The following HIBADH variants were observed in gnomAD, a reference collection of about 807,000 sequenced individuals.
HIBADH encodes the protein 3-hydroxyisobutyrate dehydrogenase, mitochondrial.
Under a neutral mutation model 36.1 loss-of-function variants are expected in HIBADH, and 25 were observed. The ratio of observed to expected loss-of-function variants is 0.69; its 90% CI spans 0.50 to 0.97. The LOEUF (loss-of-function observed/expected upper bound fraction) is 0.97, where lower values mean the gene tolerates loss of function less well. HIBADH is among the 50% of genes least tolerant of loss of function. HIBADH has a pLI of 0.00. For missense variants in HIBADH, 421 were observed against 418.0 expected (o/e 1.01, Z -0.06); for synonymous variants, 160 against 149.5 (o/e 1.07, Z -0.51).
intron 4 of HIBADH, among the ~76,000 whole-genome samples, chr7:27,603,477 C>A (rs1176038892): frequency 6.6e-6 from 1 of 151,594 alleles, no homozygotes; most frequent in Non-Finnish European, 1.5e-5. Context: ...TTTTTTTAAC[C>A]ATAAAATATT....
chr7:27,544,029 A>C (rs1208480052), intron 4 of HIBADH, among the ~76,000 whole-genome samples: 1 of 152,172 alleles, frequency 6.6e-6, no homozygotes, highest in African/African-American at 2.4e-5. Context: ...TTTTCAAGTT[A>C]GGCTTTATTT....
chr7:27,557,623 TCC>T (rs1784411888), intron 4 of HIBADH, among the ~76,000 whole-genome samples: 1 of 152,012 alleles, frequency 6.6e-6, no homozygotes, highest in African/African-American at 2.4e-5. Context: ...TGTTGCTGTA[TCC>T]CCTCCAGAGG....
intron 2 of HIBADH, among the ~76,000 whole-genome samples, chr7:27,644,636 G>A (rs1185660737): frequency 6.6e-5 from 10 of 150,640 alleles, no homozygotes; most frequent in South Asian, 2.1e-4. Flanking sequence ...GTGGTGGCGC[G>A]TGCCTGTAGT....
chr7:27,642,376 A>G (rs1408800865), intron 2 of HIBADH, among the ~76,000 whole-genome samples: 2 of 152,360 alleles, frequency 1.3e-5, no homozygotes, highest in East Asian at 3.9e-4. Context: ...GTAAAATTAC[A>G]ATAGAAACTT....
At chr7:27,617,914 C>T (rs1785459529) in intron 4 of HIBADH, among the ~76,000 whole-genome samples, 1 of 152,194 alleles carries the variant, frequency 6.6e-6, no homozygotes, top group South Asian at 2.1e-4. Flanking sequence ...GTCCAAAGTG[C>T]TTTAACCCAC....
intron 4 of HIBADH, among the ~76,000 whole-genome samples, chr7:27,607,972 C>G (rs746491558): frequency 1.3e-5 from 2 of 152,138 alleles, no homozygotes; most frequent in African/African-American, 2.4e-5. Context: ...AAGTACTACT[C>G]TCACACATAA....
chr7:27,539,806 T>C (rs1583559236), intron 5 of HIBADH, among the ~76,000 whole-genome samples: 1 of 114,472 alleles, frequency 8.7e-6, no homozygotes, highest in Non-Finnish European at 2.1e-5. Context: ...GATTAACACA[T>C]ATTTTGTATA....
chr7:27,583,195 T>G (rs1388825826), intron 4 of HIBADH, among the ~76,000 whole-genome samples: 1 of 152,112 alleles, frequency 6.6e-6, no homozygotes, highest in Non-Finnish European at 1.5e-5. Flanking sequence ...GAAGCTTTAT[T>G]AAGCATTAAT....
At position 27,587,796 on chromosome 7, in the gene HIBADH, C is replaced by A. The variant is rs148693607; in HGVS notation, c.484+41575G>T. 3.9e-3 allele frequency among the ~76,000 whole-genome samples: 601 copies of A among 152,234 alleles called. 2 individuals are homozygous for A. Among genetic ancestry groups the A allele is most frequent in the African/African-American group, 0.014 (566 of 41,538 alleles). ...CATTCAAGACAACTGAGAAAAAATT[C>A]CAAGGTACAGCTGTAATTCCAAGAT... On this transcript the variant is annotated intron_variant, in intron 4 of 7. Coordinates refer to ENST00000265395, the MANE Select transcript of HIBADH (RefSeq NM_152740.4).
chr7:27,614,384 AACCTGGAGG>A (rs1186054505), intron 4 of HIBADH, among the ~76,000 whole-genome samples: 1 of 152,220 alleles, frequency 6.6e-6, no homozygotes, highest in Non-Finnish European at 1.5e-5. Context: ...ATCTGGAGAT[AACCTGGAGG>A]ACAGCTTCAG....
chr7:27,645,878 C>T (rs1048305753), intron 2 of HIBADH, among the ~76,000 whole-genome samples: 4 of 152,072 alleles, frequency 2.6e-5, no homozygotes, highest in African/African-American at 9.7e-5. Flanking sequence ...ATATGATTTG[C>T]AAATATTTTA....
chr7:27,549,609 T>A (rs1379332491), intron 4 of HIBADH, among the ~76,000 whole-genome samples: 2 of 152,198 alleles, frequency 1.3e-5, no homozygotes, highest in East Asian at 3.8e-4. Flanking sequence ...GAACAGTAAA[T>A]GAAGTAATGA....
intron 3 of HIBADH, among the ~76,000 whole-genome samples, chr7:27,629,838 G>T (rs1030671663): frequency 6.6e-6 from 1 of 152,108 alleles, no homozygotes; most frequent in Non-Finnish European, 1.5e-5. Flanking sequence ...AACTTTAAAA[G>T]GGTATTAGAT....
chr7:27,606,182 A>G (rs977116632), intron 4 of HIBADH, among the ~76,000 whole-genome samples: 1 of 152,218 alleles, frequency 6.6e-6, no homozygotes, highest in African/African-American at 2.4e-5. Context: ...GGGAGGGGGT[A>G]AGATGGAGTA....
In HIBADH at chr7:27,526,257, A is replaced by C; in HGVS notation, c.968T>G (p.Phe323Cys). 6.2e-7 allele frequency: 1 copy of C among 1,613,018 alleles called. No individual in the cohort carries two copies. The highest frequency in any genetic ancestry group is 8.5e-7 in the Non-Finnish European group (1 of 1,179,594). The change falls in exon 8 of 8, where the codon TTC becomes TGC. Residue 323 changes from phenylalanine (F) to cysteine (C), a missense_variant. By Grantham distance (205) the Phe-to-Cys change is radical. Coordinates refer to ENST00000265395, the MANE Select transcript of HIBADH (RefSeq NM_152740.4). ...TCGTAGGAACTGGAACACGGATGAG[A>C]AGTCTTTCTTTGAGTAGCCCTTTGC... is the stretch of plus-strand genomic sequence containing the variant. ...MCAKGYSKKD[F>C]SSVFQFLREE...
At chr7:27,656,835 C>A (rs1786316730) in intron 1 of HIBADH, among the ~76,000 whole-genome samples, 1 of 152,102 alleles carries the variant, frequency 6.6e-6, no homozygotes, top group Non-Finnish European at 1.5e-5. Context: ...ATCAAATGGG[C>A]ATATGGGAAT....
chr7:27,567,274 T>C (rs1177314842), intron 4 of HIBADH, among the ~76,000 whole-genome samples: 3 of 152,204 alleles, frequency 2.0e-5, no homozygotes, highest in Admixed American at 6.5e-5. Flanking sequence ...CTTATCATTA[T>C]GTAATGTCCT....
intron 2 of HIBADH, among the ~76,000 whole-genome samples, chr7:27,647,352 C>T (rs981179868): frequency 6.6e-6 from 1 of 152,122 alleles, no homozygotes; most frequent in Non-Finnish European, 1.5e-5. Context: ...TTGTTTATTT[C>T]TTGAATTTTG....
intron 4 of HIBADH, among the ~76,000 whole-genome samples, chr7:27,617,941 C>T (rs1785460505): frequency 6.6e-6 from 1 of 152,126 alleles, no homozygotes; most frequent in Admixed American, 6.5e-5. Flanking sequence ...TACTACTCCC[C>T]AGGAAAAAAA....
Sources: gnomAD v4.1 joint callset for allele counts (sites outside exome capture counted in the v4.1 genomes callset) on GRCh38, gnomAD v4.1.1 for gene constraint, MANE v1.5 for transcripts, NCBI Gene and HGNC (gene_info 2026-07-23, HGNC 2026-07-21) for gene names.